KALRN: variants seen among roughly 807,000 people sequenced by gnomAD.
The protein encoded by KALRN is kalirin.
Under a neutral mutation model 353.7 loss-of-function variants are expected in KALRN, and 70 were observed. The ratio of observed to expected loss-of-function variants is 0.20; its 90% CI spans 0.16 to 0.24. KALRN has a LOEUF of 0.24. Among genes scored for constraint, KALRN ranks in the 10% least tolerant of loss-of-function variants. KALRN has a pLI of 1.00. For synonymous variants in KALRN, 1,391 were observed against 1,434.8 expected, an observed-to-expected ratio of 0.97 and a Z score of 0.69; for missense variants, 2,791 against 3,756.7, an observed-to-expected ratio of 0.74 and a Z score of 6.72.
chr3:124,113,237 A>G (rs1486044789), intron 1 of KALRN, among the ~76,000 whole-genome samples: 1 of 152,200 alleles, frequency 6.6e-6, no homozygotes, highest in Non-Finnish European at 1.5e-5. Context: ...GTAAGATGCC[A>G]ATAATATCCT....
At chr3:124,180,909 A>G (rs1259097708) in intron 1 of KALRN, among the ~76,000 whole-genome samples, 1 of 151,800 alleles carries the variant, frequency 6.6e-6, no homozygotes, top group African/African-American at 2.4e-5. Context: ...GTTATATCTA[A>G]AAATCCATTA....
At chr3:124,679,543 T>G in intron 51 of KALRN, 26 bp downstream of exon 51, 2 of 1,588,954 alleles carry the variant, frequency 1.3e-6, no homozygotes, top group Non-Finnish European at 1.7e-6. Flanking sequence ...GTTGTCCTAT[T>G]TCCTACAATG....
chr3:124,444,334 T>C (rs1037520410), intron 19 of KALRN, among the ~76,000 whole-genome samples: 3 of 152,246 alleles, frequency 2.0e-5, no homozygotes, highest in Non-Finnish European at 4.4e-5. Context: ...AGTCTGCAAG[T>C]ACATTTCAAG....
intron 1 of KALRN, among the ~76,000 whole-genome samples, chr3:124,035,836 T>G (rs1340872798): frequency 6.6e-6 from 1 of 152,224 alleles, no homozygotes; most frequent in Non-Finnish European, 1.5e-5. Flanking sequence ...GGCAGCCCAG[T>G]GGCTGAGCTA....
At chr3:124,304,127 A>AAC (rs3055892) in intron 6 of KALRN, among the ~76,000 whole-genome samples, 39,284 of 147,292 alleles carry the variant, frequency 0.27, 5,506 homozygotes, top group Non-Finnish European at 0.33. Context: ...TTTTGTTGTA[A>AAC]ACACACACAC....
chr3:124,124,523 T>C (rs1357896124), intron 1 of KALRN, among the ~76,000 whole-genome samples: 1 of 152,222 alleles, frequency 6.6e-6, no homozygotes, highest in Non-Finnish European at 1.5e-5. Flanking sequence ...TTTGAGAGGA[T>C]TCACTCCAGT....
At chr3:124,717,201 C>T in intron 58 of KALRN, 46 bp from the exon 59 acceptor site, 1 of 1,525,468 alleles carries the variant, frequency 6.6e-7, no homozygotes, top group Non-Finnish European at 8.8e-7. Flanking sequence ...TTTTCTATTT[C>T]TTCATTTCAA....
At chr3:124,165,135 T>A (rs1245707947) in intron 1 of KALRN, among the ~76,000 whole-genome samples, 1 of 152,232 alleles carries the variant, frequency 6.6e-6, no homozygotes, top group African/African-American at 2.4e-5. Context: ...GAGTTTTAAA[T>A]GAAAACACAA....
At chr3:124,635,760 A>G (rs686507) in intron 36 of KALRN, among the ~76,000 whole-genome samples, 97,797 of 151,940 alleles carry the variant, frequency 0.64, 32,299 homozygotes, top group East Asian at 0.9. Flanking sequence ...GTTGTGTCCA[A>G]TGTTTTATTT....
intron 1 of KALRN, among the ~76,000 whole-genome samples, chr3:124,048,873 CA>C (rs1225833931): frequency 6.6e-6 from 1 of 152,144 alleles, no homozygotes; most frequent in Non-Finnish European, 1.5e-5. Context: ...ATTTATAACC[CA>C]GATTTTCTGT....
At chr3:124,388,781 C>G (rs2149991169) in intron 11 of KALRN, among the ~76,000 whole-genome samples, 1 of 152,224 alleles carries the variant, frequency 6.6e-6, no homozygotes, top group Middle Eastern at 3.4e-3. Context: ...CAGAAATGAG[C>G]ATCCTTGAAT....
At chr3:124,110,964 G>T (rs1330712579) in intron 1 of KALRN, among the ~76,000 whole-genome samples, 1 of 152,196 alleles carries the variant, frequency 6.6e-6, no homozygotes, top group Non-Finnish European at 1.5e-5. Context: ...GTTTCTTGCA[G>T]ATTGGCAAAT....
chr3:124,636,737 T>C (rs2081388496), intron 36 of KALRN, among the ~76,000 whole-genome samples: 1 of 152,120 alleles, frequency 6.6e-6, no homozygotes. Context: ...AAGATCTATA[T>C]CTAAGGCTGT....
At chr3:124,551,261 G>A (rs1344557160) in intron 33 of KALRN, among the ~76,000 whole-genome samples, 2 of 152,172 alleles carry the variant, frequency 1.3e-5, no homozygotes, top group Non-Finnish European at 2.9e-5. Context: ...GGGTTAACCT[G>A]AGCAAATGGA....
chr3:124,693,358 A>C (rs2061913019), intron 51 of KALRN, among the ~76,000 whole-genome samples: 1 of 152,188 alleles, frequency 6.6e-6, no homozygotes, highest in Admixed American at 6.5e-5. Context: ...AGTGAATTTC[A>C]ATGACCCTTC....
chr3:124,301,246 T>C (rs2077243200), intron 6 of KALRN, among the ~76,000 whole-genome samples: 1 of 152,196 alleles, frequency 6.6e-6, no homozygotes, highest in Non-Finnish European at 1.5e-5. Flanking sequence ...TAACTGAGAG[T>C]TAACAGCACA....
intron 1 of KALRN, among the ~76,000 whole-genome samples, chr3:124,147,579 T>C (rs2149851500): frequency 6.6e-6 from 1 of 152,314 alleles, no homozygotes; most frequent in Middle Eastern, 3.4e-3. Flanking sequence ...CAAAGAAACA[T>C]ACATGGAAGT....
Position 124,610,385 on chromosome 3 carries a change from G to T in KALRN, c.5183-22035G>T, listed in dbSNP as rs149548370. Among the ~76,000 whole-genome samples the T allele has an allele frequency of 2.9e-3, 437 of 152,264 alleles. 3 individuals carry two copies. The highest frequency in any genetic ancestry group is 0.01 in the African/African-American group (420 of 41,534). ...GGCAAAGAGAGAAAAGGAACTAGGG[G>T]GCTGGAGTCTTTAAGAGGTGAGGCA... On this transcript the variant is annotated intron_variant, in intron 34 of 59. Transcript: ENST00000682506.
chr3:124,406,953 C>A (rs2091618836), intron 13 of KALRN, among the ~76,000 whole-genome samples: 1 of 150,882 alleles, frequency 6.6e-6, no homozygotes, highest in Non-Finnish European at 1.5e-5. Flanking sequence ...TGGGTTCAAG[C>A]CTCCAGAGTA....
Sources: gnomAD v4.1 joint callset for allele counts (sites outside exome capture counted in the v4.1 genomes callset) on GRCh38, gnomAD v4.1.1 for gene constraint, MANE v1.5 for transcripts, NCBI Gene and HGNC (gene_info 2026-07-23, HGNC 2026-07-21) for gene names.